FHL1: variants seen among roughly 807,000 people sequenced by gnomAD.
FHL1 encodes four and a half LIM domains protein 1.
Under a neutral mutation model 20.3 loss-of-function variants are expected in FHL1, and 1 was observed. The ratio of observed to expected loss-of-function variants is 0.05; its 90% CI spans 0.02 to 0.23. The LOEUF (loss-of-function observed/expected upper bound fraction) is 0.23, where lower values mean the gene tolerates loss of function less well. FHL1 is among the 10% of genes least tolerant of loss of function. The pLI, the probability that FHL1 is intolerant of heterozygous loss-of-function variation, is 1.00. For synonymous variants in FHL1, 82 were observed against 88.9 expected (o/e 0.92, Z 0.44); for missense variants, 177 against 234.0 (o/e 0.76, Z 1.59).
chrX:136,171,534 C>G (rs372124563), intron 2 of FHL1, among the ~76,000 whole-genome samples: 33 of 112,477 alleles, frequency 2.9e-4, no homozygotes, highest in African/African-American at 1.1e-3. Flanking sequence ...CAAAGACATC[C>G]TCTCATCAGC....
At chrX:136,208,319 CCCTGCCT>C in intron 4 of FHL1, 129 bp from the exon 5 acceptor site, 1 of 676,238 alleles carries the variant, frequency 1.5e-6, no homozygotes, top group Admixed American at 2.3e-5. Context: ...TAATAATAGC[CCCTGCCT>C]CCCATGGCTG....
At chrX:136,179,740 T>C (rs967925382) in intron 2 of FHL1, among the ~76,000 whole-genome samples, 12 of 112,097 alleles carry the variant, frequency 1.1e-4, no homozygotes, top group African/African-American at 3.9e-4. Context: ...CTAATATCCA[T>C]ATTCCTGAAT....
intron 1 of FHL1, among the ~76,000 whole-genome samples, chrX:136,203,398 A>G (rs2073765187): frequency 8.9e-6 from 1 of 112,164 alleles, no homozygotes; most frequent in Non-Finnish European, 1.9e-5. Flanking sequence ...GAGTGAAAAA[A>G]TCTTGCCTAA....
At chrX:136,181,102 A>T (rs917541591) in intron 2 of FHL1, among the ~76,000 whole-genome samples, 2 of 112,414 alleles carry the variant, frequency 1.8e-5, no homozygotes, top group Non-Finnish European at 3.8e-5. Flanking sequence ...AGTTTTGACT[A>T]ACACTTATCT....
At chrX:136,209,437 G>A (rs1488683305) in intron 5 of FHL1, 10 of 1,210,573 alleles carry the variant, frequency 8.3e-6, no homozygotes, top group Non-Finnish European at 1.0e-5. Context: ...AGCTCCTCGA[G>A]GCCCGGTAAG....
chrX:136,176,105 C>CT (rs889585614), intron 2 of FHL1, among the ~76,000 whole-genome samples: 3 of 112,248 alleles, frequency 2.7e-5, no homozygotes, highest in Non-Finnish European at 5.6e-5. Context: ...GTAGAGGCAT[C>CT]TTGGTATATA....
intron 2 of FHL1, among the ~76,000 whole-genome samples, chrX:136,187,127 TTA>T: frequency 1.0e-5 from 1 of 95,901 alleles, no homozygotes. Context: ...ATACCACTAT[TTA>T]TGTTTTTTTT....
chrX:136,208,108 A>T, intron 4 of FHL1, 147 bp downstream of exon 4: 4 of 778,544 alleles, frequency 5.1e-6, no homozygotes, highest in Non-Finnish European at 7.6e-6. Flanking sequence ...AGATGAGGAG[A>T]TCGTGGATTA....
intron 2 of FHL1, among the ~76,000 whole-genome samples, chrX:136,173,057 G>A (rs773178222): frequency 1.8e-5 from 2 of 112,744 alleles, no homozygotes; most frequent in South Asian, 7.3e-4. Context: ...AAGTGATGGT[G>A]TGTCCCCTTT....
At chrX:136,165,214 T>G (rs1400220103), upstream of FHL1, among the ~76,000 whole-genome samples, 1 of 111,604 alleles carries the variant, frequency 9.0e-6, no homozygotes, top group Non-Finnish European at 1.9e-5. Context: ...AAGATTTGGT[T>G]ATGTTGTAGA....
chrX:136,199,933 G>T (rs5974586), intron 1 of FHL1, among the ~76,000 whole-genome samples: 1 of 110,565 alleles, frequency 9.0e-6, no homozygotes, highest in Admixed American at 9.5e-5. Flanking sequence ...CAAATCGACT[G>T]TAATGAGAGG....
At chrX:136,166,398 G>A (rs2072710610), upstream of FHL1, among the ~76,000 whole-genome samples, 1 of 111,651 alleles carries the variant, frequency 9.0e-6, no homozygotes, top group South Asian at 3.8e-4. Context: ...GCCCTCTGGA[G>A]GGTGTCAGAG....
At chrX:136,202,428 A>G (rs1291638957) in intron 1 of FHL1, among the ~76,000 whole-genome samples, 1 of 109,947 alleles carries the variant, frequency 9.1e-6, no homozygotes, top group South Asian at 4.0e-4. Flanking sequence ...CAAACAAAAG[A>G]AAGTGCAAGC....
chrX:136,191,991 A>T (rs1379378603), intron 2 of FHL1, among the ~76,000 whole-genome samples: 1 of 112,238 alleles, frequency 8.9e-6, no homozygotes, highest in East Asian at 2.8e-4. Flanking sequence ...GAAATAAAAC[A>T]GATATGTCAC....
intron 2 of FHL1, among the ~76,000 whole-genome samples, chrX:136,183,679 C>G (rs752083076): frequency 7.1e-5 from 8 of 111,979 alleles, no homozygotes; most frequent in Non-Finnish European, 1.3e-4. Context: ...GATATTTCCA[C>G]AAATCAGTTT....
intron 1 of FHL1, among the ~76,000 whole-genome samples, chrX:136,202,922 C>T (rs1234886714): frequency 8.9e-6 from 1 of 112,148 alleles, no homozygotes; most frequent in Non-Finnish European, 1.9e-5. Flanking sequence ...TGCACATCAG[C>T]ACATCATTCA....
At chrX:136,181,763 T>G (rs1207619422) in intron 2 of FHL1, among the ~76,000 whole-genome samples, 1 of 112,234 alleles carries the variant, frequency 8.9e-6, no homozygotes, top group East Asian at 2.8e-4. Context: ...TCTTCAAAGT[T>G]GAAATGACTT....
intron 1 of FHL1, among the ~76,000 whole-genome samples, chrX:136,157,092 T>G (rs1023782802): frequency 9.0e-6 from 1 of 111,580 alleles, no homozygotes; most frequent in East Asian, 2.8e-4. Context: ...GACATTTGAC[T>G]TAACAAAATT....
intron 2 of FHL1, among the ~76,000 whole-genome samples, chrX:136,181,698 A>C (rs760371721): frequency 7.2e-4 from 81 of 112,198 alleles, no homozygotes; most frequent in Non-Finnish European, 1.5e-4. Context: ...AGCTGCAGTC[A>C]GTTTTTAAAG....
Sources: allele counts gnomAD v4.1 joint callset (sites outside exome capture counted in the v4.1 genomes callset), GRCh38; gene constraint gnomAD v4.1.1; transcripts MANE v1.5; gene names NCBI Gene and HGNC (gene_info 2026-07-23, HGNC 2026-07-21).